PIP5K1B: variants seen among roughly 807,000 people sequenced by gnomAD.
The protein encoded by PIP5K1B is phosphatidylinositol-4-phosphate 5-kinase type 1 beta, also known as phosphatidylinositol 4-phosphate 5-kinase type-1 beta.
PIP5K1B carries 42 observed loss-of-function variants against 67.0 expected under a neutral mutation model. The observed-to-expected ratio is 0.63, with a 90% confidence interval of 0.49 to 0.81. PIP5K1B has a LOEUF of 0.81. Ranked by LOEUF, PIP5K1B falls within the 30% of genes least tolerant of loss-of-function variation. The pLI is 0.00. For synonymous variants in PIP5K1B, 214 were observed against 231.4 expected, an observed-to-expected ratio of 0.92 and a Z score of 0.68; for missense variants, 459 against 646.3, an observed-to-expected ratio of 0.71 and a Z score of 3.14.
chr9:68,881,877 A>G (rs1824215011), intron 6 of PIP5K1B, among the ~76,000 whole-genome samples: 3 of 152,238 alleles, frequency 2.0e-5, no homozygotes, highest in Non-Finnish European at 2.9e-5. Flanking sequence ...TCAAAAATCC[A>G]GTAGAACTTA....
chr9:68,833,147 A>G (rs925352604), intron 4 of PIP5K1B, among the ~76,000 whole-genome samples: 25 of 152,268 alleles, frequency 1.6e-4, no homozygotes, highest in African/African-American at 6.0e-4. Context: ...GACAGATGAG[A>G]AAGAGTATGC....
chr9:68,815,738 C>T lies in PIP5K1B; in HGVS notation c.-85-2723C>T, dbSNP rs547808464. On this transcript the variant is annotated intron_variant, in intron 2 of 15. Coordinates refer to ENST00000265382, the MANE Select transcript of PIP5K1B (RefSeq NM_003558.4). The stretch of plus-strand genomic sequence containing the variant: ...CAAAAACTGATAAAGATGGCCACAA[C>T]GGTTGTTCAATATCACTTATGAAAA... 5.9e-5 allele frequency among the ~76,000 whole-genome samples: 9 copies of T among 152,062 alleles called. No individual in the cohort carries two copies. The East Asian group carries it at 7.7e-4, about 13-fold the overall frequency.
chr9:68,805,295 A>G (rs1336635223), intron 2 of PIP5K1B, among the ~76,000 whole-genome samples: 1 of 152,180 alleles, frequency 6.6e-6, no homozygotes, highest in East Asian at 1.9e-4. Context: ...GAGGGTGAGC[A>G]TCACACTTTG....
intron 14 of PIP5K1B, among the ~76,000 whole-genome samples, chr9:68,942,323 A>T (rs943341666): frequency 1.3e-5 from 2 of 152,240 alleles, no homozygotes; most frequent in African/African-American, 4.8e-5. Context: ...AACAATTCTC[A>T]TGTGAAGCCA....
chr9:68,895,412 A>G (rs2132414457), intron 8 of PIP5K1B, among the ~76,000 whole-genome samples: 1 of 152,300 alleles, frequency 6.6e-6, no homozygotes, highest in East Asian at 1.9e-4. Flanking sequence ...CACTTGGCTA[A>G]GTTGGGTAGT....
chr9:68,986,006 G>A (rs925513453), intron 14 of PIP5K1B, among the ~76,000 whole-genome samples: 5 of 152,144 alleles, frequency 3.3e-5, no homozygotes, highest in Admixed American at 3.3e-4. Context: ...TCATCAGTTG[G>A]TGGACGTTTG....
intron 2 of PIP5K1B, among the ~76,000 whole-genome samples, chr9:68,787,843 G>A (rs577263353): frequency 1.3e-5 from 2 of 152,240 alleles, no homozygotes; most frequent in East Asian, 1.9e-4. Flanking sequence ...ATGTTGGCCA[G>A]GCTGGTCTCA....
intron 14 of PIP5K1B, among the ~76,000 whole-genome samples, chr9:68,955,915 A>G (rs920222056): frequency 8.5e-5 from 13 of 152,184 alleles, no homozygotes; most frequent in African/African-American, 3.1e-4. Flanking sequence ...AGCTTTACAG[A>G]TATTATTTTA....
At chr9:68,719,967 A>T (rs1827809597) in intron 1 of PIP5K1B, among the ~76,000 whole-genome samples, 1 of 152,192 alleles carries the variant, frequency 6.6e-6, no homozygotes, top group African/African-American at 2.4e-5. Flanking sequence ...CAGCAGCAGC[A>T]CTTTCTGACC....
chr9:68,826,713 A>G (rs1834004076), intron 4 of PIP5K1B, among the ~76,000 whole-genome samples: 1 of 152,140 alleles, frequency 6.6e-6, no homozygotes, highest in Admixed American at 6.6e-5. Flanking sequence ...CTTGACCCAA[A>G]TCGGTGTTGA....
chr9:68,786,812 CAA>C (rs1295556895), intron 2 of PIP5K1B, among the ~76,000 whole-genome samples: 1 of 152,048 alleles, frequency 6.6e-6, no homozygotes. Context: ...GAGTACAAAA[CAA>C]AAGTCTATGA....
chr9:68,978,292 C>G (rs1350394111), intron 14 of PIP5K1B, among the ~76,000 whole-genome samples: 3 of 152,224 alleles, frequency 2.0e-5, no homozygotes, highest in African/African-American at 4.8e-5. Context: ...CCTCTTCTTT[C>G]CACCAGTAAC....
chr9:68,709,866 C>T (rs1038035178), intron 1 of PIP5K1B, among the ~76,000 whole-genome samples: 1 of 152,184 alleles, frequency 6.6e-6, no homozygotes, highest in African/African-American at 2.4e-5. Context: ...GCTATGATCG[C>T]ACCACTGTAC....
intron 8 of PIP5K1B, among the ~76,000 whole-genome samples, chr9:68,911,057 C>T (rs1288655777): frequency 1.3e-5 from 2 of 152,166 alleles, no homozygotes; most frequent in Non-Finnish European, 2.9e-5. Context: ...GCACAGATGT[C>T]AGGAATGGGT....
intron 1 of PIP5K1B, among the ~76,000 whole-genome samples, chr9:68,707,138 C>T (rs1031094452): frequency 6.6e-6 from 1 of 152,132 alleles, no homozygotes; most frequent in South Asian, 2.1e-4. Flanking sequence ...CTGATATGGT[C>T]CTGTGGGCAG....
chr9:69,005,646 T>TG (rs1158099405), intron 15 of PIP5K1B, among the ~76,000 whole-genome samples: 1 of 152,230 alleles, frequency 6.6e-6, no homozygotes, highest in African/African-American at 2.4e-5. Context: ...CCCAAAGTGC[T>TG]GGGATTACAG....
At chr9:68,903,516 C>T (rs1455140759) in intron 8 of PIP5K1B, among the ~76,000 whole-genome samples, 2 of 152,152 alleles carry the variant, frequency 1.3e-5, no homozygotes, top group African/African-American at 2.4e-5. Context: ...CAACTGGTGT[C>T]GCCATTGAAG....
chr9:68,733,747 C>T (rs1240311536), intron 1 of PIP5K1B, among the ~76,000 whole-genome samples: 1 of 144,818 alleles, frequency 6.9e-6, no homozygotes, highest in Non-Finnish European at 1.5e-5. Flanking sequence ...TCAGGCAATT[C>T]TCCTGCGTCA....
intron 6 of PIP5K1B, among the ~76,000 whole-genome samples, chr9:68,886,174 G>A (rs1000076972): frequency 2.6e-5 from 4 of 151,078 alleles, no homozygotes; most frequent in East Asian, 1.9e-4. Flanking sequence ...GCGAGACTCC[G>A]TCTGAAAAAA....
Sources: gnomAD v4.1 joint callset for allele counts (sites outside exome capture counted in the v4.1 genomes callset) on GRCh38, gnomAD v4.1.1 for gene constraint, MANE v1.5 for transcripts, NCBI Gene and HGNC (gene_info 2026-07-23, HGNC 2026-07-21) for gene names.